NRAP: variants seen among roughly 807,000 people sequenced by gnomAD.
NRAP encodes nebulin-related-anchoring protein.
NRAP carries 189 observed loss-of-function variants against 225.9 expected under a neutral mutation model. That is an observed-to-expected ratio of 0.84 (90% CI 0.74 to 0.94). The LOEUF is 0.94. NRAP is among the 40% of genes least tolerant of loss of function. The probability of loss-of-function intolerance (pLI) is 0.00; values close to 1 mark genes in which losing one functional copy is unlikely to be tolerated. For synonymous variants in NRAP, 769 were observed against 790.7 expected (o/e 0.97, Z 0.46); for missense variants, 2,176 against 2,168.7 (o/e 1.00, Z -0.07).
intron 9 of NRAP, among the ~76,000 whole-genome samples, chr10:113,648,870 A>C (rs1849760051): frequency 6.6e-6 from 1 of 152,202 alleles, no homozygotes; most frequent in Admixed American, 6.5e-5. Flanking sequence ...ACCTACAGAC[A>C]TGTCTAGGTA....
chr10:113,610,373 A>G (rs1238273333), intron 31 of NRAP, 86 bp downstream of exon 31: 11 of 648,762 alleles, frequency 1.7e-5, no homozygotes, highest in East Asian at 5.7e-5. Flanking sequence ...AAAAAAAAAA[A>G]GGAAGAAAGA....
Position 113,641,123 on chromosome 10 carries a change from T to C in NRAP, c.1323+242A>G, listed in dbSNP as rs11196401. Among the ~76,000 whole-genome samples, 15,345 of 152,294 alleles carry C rather than the reference T, an allele frequency of 0.1. 995 individuals carry two copies. The highest frequency in any genetic ancestry group is 0.14 in the Non-Finnish European group (9,735 of 68,018). On this transcript the variant is annotated intron_variant, in intron 13 of 41. Transcript: ENST00000359988. Reference sequence around the variant, plus strand: ...CCACACTGGATTCATTATAATAGACTGAAGTACTCTTCAAATTAGAGAAAG... The same window carrying C: ...CCACACTGGATTCATTATAATAGACCGAAGTACTCTTCAAATTAGAGAAAG...
intron 41 of NRAP, 137 bp from the exon 42 acceptor site, chr10:113,589,216 A>G: frequency 1.5e-6 from 1 of 656,954 alleles, no homozygotes; most frequent in African/African-American, 1.8e-5. Flanking sequence ...CCCCTCTTCT[A>G]CCCTCCCCAA....
chr10:113,594,758 C>T (rs1330192871), intron 38 of NRAP, among the ~76,000 whole-genome samples: 1 of 152,260 alleles, frequency 6.6e-6, no homozygotes. Flanking sequence ...AATACACACG[C>T]TAACTAGAAG....
At chr10:113,603,772 C>T (rs1324188109) in intron 35 of NRAP, among the ~76,000 whole-genome samples, 2 of 152,182 alleles carry the variant, frequency 1.3e-5, no homozygotes, top group Non-Finnish European at 2.9e-5. Flanking sequence ...ACTTGCTATT[C>T]AGTTTGCCTG....
Position 113,629,083 on chromosome 10 carries a change from T to C in NRAP, c.2041-62A>G, listed in dbSNP as rs1848435687. ...ATGGATAGAGACAGGACAAAGTTGA[T>C]GGGAGAGTTAAGAAGATCTTGATCC... On this transcript the variant is annotated intron_variant, in intron 19 of 41. Transcript: ENST00000359988. 5 of 1,160,494 alleles carry C rather than the reference T, an allele frequency of 4.3e-6. No individual in the cohort carries two copies. The Admixed American group carries it at 6.8e-5, about 16-fold the overall frequency. 71.9% of individuals were successfully genotyped at this position (1,160,494 alleles called of 1,614,324 possible).
intron 35 of NRAP, among the ~76,000 whole-genome samples, chr10:113,601,196 C>T (rs144204431): frequency 6.6e-5 from 10 of 152,302 alleles, no homozygotes; most frequent in African/African-American, 1.9e-4. Context: ...CGGGCTGGTC[C>T]GAACTGGGCA....
At chr10:113,594,846 G>A (rs1425642358) in intron 38 of NRAP, among the ~76,000 whole-genome samples, 1 of 152,202 alleles carries the variant, frequency 6.6e-6, no homozygotes, top group Non-Finnish European at 1.5e-5. Flanking sequence ...GGAGCCCCAG[G>A]ACACAATGGC....
intron 3 of NRAP, among the ~76,000 whole-genome samples, chr10:113,658,235 T>C (rs1433498787): frequency 6.6e-6 from 1 of 152,210 alleles, no homozygotes; most frequent in Non-Finnish European, 1.5e-5. Flanking sequence ...GCCAATTCTA[T>C]GCTGAGTTAA....
chr10:113,598,114 T>A, intron 35 of NRAP, 41 bp from the exon 36 acceptor site: 1 of 1,164,102 alleles, frequency 8.6e-7, no homozygotes, highest in Non-Finnish European at 1.3e-6. Flanking sequence ...GGAGAGTGCT[T>A]AAGACTAGTA....
chr10:113,640,101 C>G, intron 14 of NRAP, 126 bp downstream of exon 14: 2 of 562,230 alleles, frequency 3.6e-6, no homozygotes, highest in Non-Finnish European at 6.3e-6. Flanking sequence ...TTTCCCTTTC[C>G]TCAATCCCTT....
At chr10:113,657,358 G>T in intron 4 of NRAP, 112 bp downstream of exon 4, 1 of 648,322 alleles carries the variant, frequency 1.5e-6, no homozygotes, top group Admixed American at 2.6e-5. Context: ...ATTACAAACT[G>T]GGTGAAAGGA....
At chr10:113,610,712 C>T (rs916773781) in intron 30 of NRAP, 149 bp from the exon 31 acceptor site, 6 of 570,578 alleles carry the variant, frequency 1.1e-5, no homozygotes, top group Non-Finnish European at 1.6e-5. Flanking sequence ...ATATTAAACT[C>T]AGCCAACGCA....
intron 11 of NRAP, among the ~76,000 whole-genome samples, chr10:113,644,078 T>G (rs571911710): frequency 5.4e-5 from 7 of 130,022 alleles, no homozygotes; most frequent in Admixed American, 3.9e-4. Context: ...ACGTGGGAGG[T>G]GGAGGTTGCG....
At chr10:113,603,656 C>T (rs907819826) in intron 35 of NRAP, among the ~76,000 whole-genome samples, 1 of 152,182 alleles carries the variant, frequency 6.6e-6, no homozygotes, top group Non-Finnish European at 1.5e-5. Flanking sequence ...TGCTCAGACC[C>T]TGTGATTCCA....
Position 113,657,541 on chromosome 10 carries a change from A to T in NRAP, c.289T>A (p.Ser97Thr). The T allele has an allele frequency of 6.2e-7, 1 of 1,601,534 alleles. No homozygotes were observed. Among genetic ancestry groups the T allele is most frequent in the Non-Finnish European group, 8.6e-7 (1 of 1,168,540 alleles). Residue 97 changes from serine (S) to threonine (T), a missense_variant, in exon 4 of 42, where the codon TCA (serine) becomes ACA (threonine). Ser to Thr is a moderately conservative substitution (Grantham distance 58). Transcript: ENST00000359988. Reference sequence around the variant, plus strand: ...GATTTCATGTCCCAGTGAAAAACTGATTTACACTGTTCACCATCTTCTTGG... The same window carrying T: ...GATTTCATGTCCCAGTGAAAAACTGTTTTACACTGTTCACCATCTTCTTGG... ...HDQEDGEQCK[S>T]VFHWDMKSKD...
In NRAP at chr10:113,614,939, T is replaced by C. The variant is rs995356164; in HGVS notation, c.3086A>G (p.Tyr1029Cys). 1.3e-6 allele frequency: 2 copies of C among 1,595,682 alleles called. No homozygotes were observed. The highest frequency in any genetic ancestry group is 1.3e-5 in the African/African-American group (1 of 74,704). Residue 1029 changes from tyrosine (Y) to cysteine (C), a missense_variant, in exon 28 of 42, where the codon TAT becomes TGT. Physicochemically the swap from Tyr to Cys is radical, Grantham distance 194. Around this residue, in one of 3 missense-constraint regions of NRAP, gnomAD observed 1,708 missense variants for 1,695.5 expected, o/e 1.01. Coordinates refer to ENST00000359988, the MANE Select transcript of NRAP (RefSeq NM_198060.4). ...TCGAAGTTTGCTCCAGGATTCCTTA[T>C]AACGCGTCTGTCGGGAAGATGTGCA... ...LNAMNISETR[Y>C]KESWSKLRDG...
intron 22 of NRAP, 50 bp downstream of exon 22, chr10:113,624,776 T>C (rs1215838132): frequency 9.0e-6 from 12 of 1,334,522 alleles, no homozygotes; most frequent in Non-Finnish European, 1.1e-5. Context: ...ACCAGGTGGC[T>C]ATACACAAAG....
chr10:113,594,293 G>A (rs951157908), intron 38 of NRAP, among the ~76,000 whole-genome samples: 12 of 151,290 alleles, frequency 7.9e-5, no homozygotes, highest in African/African-American at 2.9e-4. Flanking sequence ...ACACGCCCCC[G>A]AAGAAGTGCT....
Sources: gnomAD v4.1 joint callset for allele counts (sites outside exome capture counted in the v4.1 genomes callset) on GRCh38, gnomAD v4.1.1 for gene constraint, gnomAD v4.1.1 regional missense constraint, MANE v1.5 for transcripts, NCBI Gene and HGNC (gene_info 2026-07-23, HGNC 2026-07-21) for gene names.